PHF24: variants seen among roughly 807,000 people sequenced by gnomAD.
The protein encoded by PHF24 is Galpha inhibitory interacting protein.
A neutral mutation model predicts 42.6 loss-of-function variants in PHF24; 25 were observed. That is an observed-to-expected ratio of 0.59 (90% CI 0.43 to 0.82). PHF24 has a LOEUF of 0.82. PHF24 is among the 40% of genes least tolerant of loss of function. The pLI, the probability that PHF24 is intolerant of heterozygous loss-of-function variation, is 0.00. For synonymous variants in PHF24, 185 were observed against 204.8 expected (o/e 0.90, Z 0.83); for missense variants, 470 against 538.1 (o/e 0.87, Z 1.25).
the PHF24 span, among the ~76,000 whole-genome samples, chr9:34,761,896 T>C: frequency 6.6e-6 from 1 of 152,178 alleles, no homozygotes; most frequent in South Asian, 2.1e-4. Context: ...CCTTCCTGTG[T>C]CCATGTGTTC....
chr9:34,760,524 A>G, the PHF24 span, among the ~76,000 whole-genome samples: 1 of 152,230 alleles, frequency 6.6e-6, no homozygotes, highest in African/African-American at 2.4e-5. Flanking sequence ...AGAATTTCCA[A>G]GAAGTTGGGC....
At chr9:34,970,501 G>C (rs1227159455) in intron 1 of PHF24, among the ~76,000 whole-genome samples, 3 of 152,228 alleles carry the variant, frequency 2.0e-5, no homozygotes, top group Middle Eastern at 3.4e-3. Context: ...TGACCACATG[G>C]ATACGGGTGG....
chr9:34,856,627 G>A, the PHF24 span, among the ~76,000 whole-genome samples: 1 of 152,234 alleles, frequency 6.6e-6, no homozygotes, highest in Non-Finnish European at 1.5e-5. Flanking sequence ...CTGCAAAACA[G>A]CAAAGATGGC....
At chr9:34,793,311 A>C in the PHF24 span, among the ~76,000 whole-genome samples, 1 of 152,202 alleles carries the variant, frequency 6.6e-6, no homozygotes, top group Non-Finnish European at 1.5e-5. Flanking sequence ...AACCCCATGG[A>C]TACAATTTCT....
the PHF24 span, chr9:34,892,826 C>A: frequency 1.5e-6 from 1 of 685,422 alleles, no homozygotes; most frequent in South Asian, 1.6e-5. Context: ...ATCTTGGACG[C>A]TGTCTGCACC....
the PHF24 span, among the ~76,000 whole-genome samples, chr9:34,711,942 A>ATTTGTTTG: frequency 6.6e-5 from 10 of 151,712 alleles, no homozygotes; most frequent in East Asian, 2.0e-4. Context: ...TTCCTTTAGC[A>ATTTGTTTG]TTTGTTTGTT....
upstream of PHF24, among the ~76,000 whole-genome samples, chr9:34,953,162 C>T (rs528553302): frequency 2.6e-5 from 4 of 152,248 alleles, no homozygotes; most frequent in African/African-American, 7.2e-5. This position sits in a 1 kb window ranked among gnomAD's most constrained non-coding sequence, Gnocchi z 4.1. Context: ...GCAAAAGACA[C>T]GGTCAAGAGA....
At chr9:34,949,559 C>T in the PHF24 span, among the ~76,000 whole-genome samples, 1 of 152,166 alleles carries the variant, frequency 6.6e-6, no homozygotes, top group East Asian at 1.9e-4. Flanking sequence ...TGTATGTTCA[C>T]TGCAGCACTA....
chr9:34,911,120 A>G, the PHF24 span, among the ~76,000 whole-genome samples: 3 of 151,990 alleles, frequency 2.0e-5, no homozygotes, highest in East Asian at 3.9e-4. Context: ...CACCATGCCC[A>G]GCCTATTTTG....
chr9:34,897,795 C>A, the PHF24 span, among the ~76,000 whole-genome samples: 2 of 152,094 alleles, frequency 1.3e-5, no homozygotes, highest in Non-Finnish European at 2.9e-5. Context: ...ATACACTGCA[C>A]CCTATTTGTA....
the PHF24 span, among the ~76,000 whole-genome samples, chr9:34,929,879 C>T: frequency 6.6e-6 from 1 of 152,288 alleles, no homozygotes; most frequent in South Asian, 2.1e-4. Flanking sequence ...ACACTGTGGT[C>T]CTTTAGTCCC....
At chr9:34,973,806 T>G (rs986290927) in intron 3 of PHF24, among the ~76,000 whole-genome samples, 1 of 152,044 alleles carries the variant, frequency 6.6e-6, no homozygotes, top group African/African-American at 2.4e-5. Context: ...TCTCGGCCAC[T>G]CTGCTTTGCG....
the PHF24 span, among the ~76,000 whole-genome samples, chr9:34,915,292 G>A: frequency 3.3e-5 from 5 of 151,914 alleles, no homozygotes; most frequent in African/African-American, 7.3e-5. Flanking sequence ...TAACATGTGC[G>A]TCTGCTTTTC....
chr9:34,964,989 G>A (rs1422034919), intron 1 of PHF24, among the ~76,000 whole-genome samples: 3 of 152,130 alleles, frequency 2.0e-5, no homozygotes, highest in Admixed American at 1.3e-4. Flanking sequence ...ACCCACCAGC[G>A]AAAGAAGTAA....
At chr9:34,933,481 T>G in the PHF24 span, among the ~76,000 whole-genome samples, 1 of 151,940 alleles carries the variant, frequency 6.6e-6, no homozygotes, top group Non-Finnish European at 1.5e-5. Context: ...TCCCAGCACT[T>G]TGGGAGGCCG....
At chr9:34,906,817 T>C in the PHF24 span, among the ~76,000 whole-genome samples, 1 of 152,038 alleles carries the variant, frequency 6.6e-6, no homozygotes, top group Non-Finnish European at 1.5e-5. Flanking sequence ...ATCCCCTCCA[T>C]AGGGATTCAA....
At chr9:34,735,908 A>G in the PHF24 span, among the ~76,000 whole-genome samples, 1 of 152,174 alleles carries the variant, frequency 6.6e-6, no homozygotes, top group African/African-American at 2.4e-5. Context: ...TTGATATGTT[A>G]AACGATCTAG....
the PHF24 span, among the ~76,000 whole-genome samples, chr9:34,856,531 G>A: frequency 2.0e-5 from 3 of 152,184 alleles, no homozygotes; most frequent in Non-Finnish European, 2.9e-5. Context: ...CCACTCTTCT[G>A]TAGGGCTGCT....
the PHF24 span, among the ~76,000 whole-genome samples, chr9:34,751,805 T>C: frequency 6.6e-6 from 1 of 152,138 alleles, no homozygotes; most frequent in Non-Finnish European, 1.5e-5. Context: ...TGTTAGGCCA[T>C]AAAACAACTC....
Sources: allele counts gnomAD v4.1 joint callset (sites outside exome capture counted in the v4.1 genomes callset), GRCh38; gene constraint gnomAD v4.1.1; non-coding constraint Gnocchi (gnomAD v3.1); transcripts MANE v1.5; gene names NCBI Gene and HGNC (gene_info 2026-07-23, HGNC 2026-07-21).